The following SGCD variants were observed in gnomAD, a reference collection of about 807,000 sequenced individuals.
SGCD encodes the protein sarcoglycan delta, also known as delta-sarcoglycan.
SGCD carries 18 observed loss-of-function variants against 36.6 expected under a neutral mutation model. That is an observed-to-expected ratio of 0.49 (90% CI 0.34 to 0.73). The LOEUF (loss-of-function observed/expected upper bound fraction) is 0.73, where lower values mean the gene tolerates loss of function less well. Ranked by LOEUF, SGCD falls within the 30% of genes least tolerant of loss-of-function variation. SGCD has a pLI of 0.01. For missense variants in SGCD, 387 were observed against 346.7 expected (o/e 1.12, Z -0.92); for synonymous variants, 133 against 130.6 (o/e 1.02, Z -0.12).
At chr5:156,623,324 G>T (rs1762327063) in intron 6 of SGCD, among the ~76,000 whole-genome samples, 1 of 152,158 alleles carries the variant, frequency 6.6e-6, no homozygotes, top group African/African-American at 2.4e-5. Flanking sequence ...AGGACACCGT[G>T]ATGAGGATCA....
chr5:156,715,410 A>G (rs1755173474), intron 7 of SGCD, among the ~76,000 whole-genome samples: 1 of 152,154 alleles, frequency 6.6e-6, no homozygotes, highest in South Asian at 2.1e-4. Context: ...GACTTGTTAC[A>G]CTTGCACAAT....
intron 1 of SGCD, among the ~76,000 whole-genome samples, chr5:156,014,239 C>G (rs1279831644): frequency 1.3e-5 from 2 of 152,032 alleles, no homozygotes; most frequent in East Asian, 3.9e-4. Flanking sequence ...TTTGCTCATT[C>G]AGTTTCCTTG....
chr5:156,579,455 C>T (rs1483086241), intron 4 of SGCD, among the ~76,000 whole-genome samples: 1 of 152,102 alleles, frequency 6.6e-6, no homozygotes, highest in African/African-American at 2.4e-5. Context: ...GAGTTCAAGT[C>T]CTGGATATCA....
intron 4 of SGCD, among the ~76,000 whole-genome samples, chr5:156,578,761 T>G (rs1304913558): frequency 6.6e-6 from 1 of 152,210 alleles, no homozygotes; most frequent in Non-Finnish European, 1.5e-5. Context: ...GGTGGTGATA[T>G]CCCCATTATC....
intron 1 of SGCD, among the ~76,000 whole-genome samples, chr5:156,329,328 G>A (rs560847046): frequency 6.6e-6 from 1 of 152,300 alleles, no homozygotes; most frequent in Admixed American, 6.5e-5. Context: ...TGGACTGGAG[G>A]TGTGCAGATA....
intron 3 of SGCD, among the ~76,000 whole-genome samples, chr5:156,232,609 T>C (rs1047315980): frequency 6.6e-6 from 1 of 152,236 alleles, no homozygotes; most frequent in African/African-American, 2.4e-5. Flanking sequence ...GTATACACCA[T>C]GCATCATTAG....
intron 6 of SGCD, among the ~76,000 whole-genome samples, chr5:156,631,859 C>A (rs1762649051): frequency 6.6e-6 from 1 of 152,106 alleles, no homozygotes; most frequent in African/African-American, 2.4e-5. Flanking sequence ...GGGAACAGTT[C>A]TTCCTGCTTT....
chr5:156,291,650 G>C (rs1031360687), intron 3 of SGCD, among the ~76,000 whole-genome samples: 1 of 151,864 alleles, frequency 6.6e-6, no homozygotes, highest in African/African-American at 2.4e-5. Flanking sequence ...CTCTCTAAAG[G>C]GAAGGGAGAA....
At chr5:156,643,701 T>C (rs1763126044) in intron 6 of SGCD, among the ~76,000 whole-genome samples, 2 of 152,150 alleles carry the variant, frequency 1.3e-5, no homozygotes, top group Non-Finnish European at 2.9e-5. Context: ...AACAAAATTA[T>C]TTTTCTTCCA....
intron 1 of SGCD, among the ~76,000 whole-genome samples, chr5:156,103,045 A>G (rs1210004147): frequency 6.6e-6 from 1 of 152,160 alleles, no homozygotes; most frequent in Non-Finnish European, 1.5e-5. Flanking sequence ...CTTTTATTAT[A>G]ATTTGCTATA....
At chr5:156,022,786 C>T (rs1432555418) in intron 1 of SGCD, among the ~76,000 whole-genome samples, 1 of 151,732 alleles carries the variant, frequency 6.6e-6, no homozygotes, top group Non-Finnish European at 1.5e-5. Flanking sequence ...TTTCCTTTTT[C>T]TTATGCCACA....
chr5:156,719,145 G>A (rs919311016), intron 7 of SGCD, among the ~76,000 whole-genome samples: 1 of 152,134 alleles, frequency 6.6e-6, no homozygotes, highest in Non-Finnish European at 1.5e-5. Flanking sequence ...TCACACACTT[G>A]TAGAGGCTTG....
chr5:156,080,090 T>C (rs1760911514), intron 1 of SGCD, among the ~76,000 whole-genome samples: 1 of 152,236 alleles, frequency 6.6e-6, no homozygotes, highest in South Asian at 2.1e-4. Flanking sequence ...GCCTACAGGC[T>C]TAATACCACA....
chr5:155,848,699 C>G, the SGCD span, among the ~76,000 whole-genome samples: 1 of 152,088 alleles, frequency 6.6e-6, no homozygotes, highest in African/African-American at 2.4e-5. Context: ...ATAGCTTTCC[C>G]CCAGCTATTT....
intron 3 of SGCD, among the ~76,000 whole-genome samples, chr5:156,193,975 T>A (rs546480508): frequency 6.6e-6 from 1 of 152,328 alleles, no homozygotes; most frequent in Admixed American, 6.5e-5. Context: ...TACTTTCAAT[T>A]GCAGGTGATG....
At chr5:155,813,670 G>A in the SGCD span, among the ~76,000 whole-genome samples, 1 of 152,146 alleles carries the variant, frequency 6.6e-6, no homozygotes, top group Non-Finnish European at 1.5e-5. Flanking sequence ...CAGAATATTT[G>A]CTTAGGATTT....
intron 3 of SGCD, among the ~76,000 whole-genome samples, chr5:156,233,912 T>C (rs930756217): frequency 5.3e-5 from 8 of 152,140 alleles, no homozygotes; most frequent in African/African-American, 1.9e-4. Flanking sequence ...TTTGTTTTGT[T>C]TTTTTAAAAA....
the SGCD span, among the ~76,000 whole-genome samples, chr5:155,844,421 TTGTG>T: frequency 1.9e-3 from 279 of 144,356 alleles, no homozygotes; most frequent in Middle Eastern, 7.1e-3. Context: ...TGCTAAGGCT[TTGTG>T]TGTGTGTGTG....
chr5:156,579,896 G>A (rs914759687), intron 4 of SGCD, among the ~76,000 whole-genome samples: 3 of 152,112 alleles, frequency 2.0e-5, no homozygotes, highest in African/African-American at 4.8e-5. Context: ...TTTAACTGGG[G>A]AATTTAGCCC....
Sources: allele counts gnomAD v4.1 joint callset (sites outside exome capture counted in the v4.1 genomes callset), GRCh38; gene constraint gnomAD v4.1.1; transcripts MANE v1.5; gene names NCBI Gene and HGNC (gene_info 2026-07-23, HGNC 2026-07-21).